The following MYOM1 variants were observed in gnomAD, a reference collection of about 807,000 sequenced individuals.
The protein encoded by MYOM1 is myomesin 1.
In MYOM1, 164 loss-of-function variants were observed where a neutral mutation model predicts 205.3. The observed-to-expected ratio is 0.80, with a 90% CI of 0.70 to 0.91. The LOEUF (loss-of-function observed/expected upper bound fraction) is 0.91. MYOM1 is among the 40% of genes least tolerant of loss of function. The pLI is 0.00. For missense variants in MYOM1, 2,011 were observed against 2,127.3 expected, an observed-to-expected ratio of 0.95 and a Z score of 1.08; for synonymous variants, 772 against 789.4, an observed-to-expected ratio of 0.98 and a Z score of 0.37.
intron 13 of MYOM1, among the ~76,000 whole-genome samples, chr18:3,148,844 C>CAAAAA (rs71159049): frequency 1.3e-3 from 60 of 47,942 alleles, no homozygotes; most frequent in Non-Finnish European, 1.5e-3. Flanking sequence ...AGACTCCATC[C>CAAAAA]AAAAAAAAAA....
chr18:3,149,691 A>T (rs367935601), intron 12 of MYOM1, among the ~76,000 whole-genome samples: 6 of 152,312 alleles, frequency 3.9e-5, no homozygotes, highest in African/African-American at 7.2e-5. Flanking sequence ...TTTGAAAAAT[A>T]TTATCTCCAA....
intron 29 of MYOM1, among the ~76,000 whole-genome samples, chr18:3,086,482 G>A (rs377053538): frequency 6.4e-5 from 9 of 141,186 alleles, no homozygotes; most frequent in South Asian, 4.3e-4. Flanking sequence ...CAAAACCAAA[G>A]GGAGAAAAAT....
At position 3,191,500 on chromosome 18, in the gene MYOM1, C is replaced by T. The variant is rs571755450; in HGVS notation, c.431+2318G>A. On this transcript the variant is annotated intron_variant, in intron 3 of 37. Transcript: ENST00000356443. ...AAGATGGTTTATATAAAGCACCTTG[C>T]GTGAGTCCCAGCAAATAATAATAGA... 2.1e-3 allele frequency among the ~76,000 whole-genome samples: 322 copies of T among 152,234 alleles called. 2 individuals carry two copies. The highest frequency in any genetic ancestry group is 3.3e-3 in the Non-Finnish European group (222 of 68,018).
intron 9 of MYOM1, among the ~76,000 whole-genome samples, chr18:3,165,896 C>A (rs1224414868): frequency 6.6e-6 from 1 of 152,186 alleles, no homozygotes; most frequent in Non-Finnish European, 1.5e-5. Flanking sequence ...TCTTTCATCA[C>A]CTTGGAATGC....
intron 19 of MYOM1, among the ~76,000 whole-genome samples, chr18:3,120,478 A>C (rs1209762051): frequency 6.6e-6 from 1 of 152,160 alleles, no homozygotes. Flanking sequence ...TCAGCCCTAC[A>C]GCTGCAAGGA....
chr18:3,152,559 T>C lies in MYOM1; in HGVS notation c.1644-666A>G, dbSNP rs1340292226. 6.6e-6 allele frequency among the ~76,000 whole-genome samples: 1 copy of C among 152,208 alleles called. No individual in the cohort carries two copies. Among genetic ancestry groups the C allele is most frequent in the Non-Finnish European group, 1.5e-5 (1 of 68,038 alleles). ...GAGTGCTTTTACAGCAGTTGGTACC[T>C]GGGGATGGAGTGGGTCATTCCCAGC... On this transcript the variant is annotated intron_variant, in intron 11 of 37. Transcript: ENST00000356443. This position sits in a 1 kb window ranked among gnomAD's most constrained non-coding sequence, Gnocchi z 4.3.
At chr18:3,125,236 A>G (rs111541547) in intron 19 of MYOM1, among the ~76,000 whole-genome samples, 3 of 152,230 alleles carry the variant, frequency 2.0e-5, no homozygotes, top group Non-Finnish European at 4.4e-5. Flanking sequence ...CATTTAGGTG[A>G]TCACCCAGAG....
At chr18:3,174,597 C>A (rs2080609141) in intron 6 of MYOM1, among the ~76,000 whole-genome samples, 1 of 152,068 alleles carries the variant, frequency 6.6e-6, no homozygotes, top group Non-Finnish European at 1.5e-5. Context: ...CAGGCGTGTA[C>A]CTTTGTAGCA....
intron 2 of MYOM1, among the ~76,000 whole-genome samples, chr18:3,213,511 GA>G (rs1256279692): frequency 2.0e-5 from 3 of 152,138 alleles, no homozygotes; most frequent in Non-Finnish European, 2.9e-5. Flanking sequence ...TGAATATGAA[GA>G]AAATAAAACT....
intron 8 of MYOM1, 29 bp from the exon 9 acceptor site, chr18:3,169,010 A>AT (rs781112178): frequency 2.5e-6 from 4 of 1,580,494 alleles, no homozygotes; most frequent in African/African-American, 1.4e-5. Context: ...AATATCAGTA[A>AT]TTTTTTTCTT....
intron 9 of MYOM1, among the ~76,000 whole-genome samples, chr18:3,166,816 A>C (rs540934276): frequency 6.6e-6 from 1 of 152,238 alleles, no homozygotes; most frequent in Non-Finnish European, 1.5e-5. Context: ...AATTAAACAG[A>C]AAAATTATAT....
chr18:3,151,589 G>A (rs2080222889), intron 12 of MYOM1, 105 bp downstream of exon 12: 2 of 942,632 alleles, frequency 2.1e-6, no homozygotes, highest in African/African-American at 3.3e-5. Flanking sequence ...TCTTGTTCTT[G>A]TCTCCCTCTA....
intron 18 of MYOM1, among the ~76,000 whole-genome samples, chr18:3,128,932 T>C (rs1212211314): frequency 6.6e-6 from 1 of 152,182 alleles, no homozygotes; most frequent in Non-Finnish European, 1.5e-5. Flanking sequence ...CGAATTCTCT[T>C]AGCAAAATCA....
chr18:3,085,032 T>C lies in MYOM1; in HGVS notation c.4339+13A>G, dbSNP rs769441897. 1.4e-5 allele frequency: 23 copies of C among 1,589,338 alleles called. No homozygotes were observed. The highest frequency in any genetic ancestry group is 1.9e-5 in the Non-Finnish European group (22 of 1,164,866). ...AAACACACAAGACAGACCCCAGCAG[T>C]TGGTGGACTGACCTTCATCCACAAG... On this transcript the variant is annotated intron_variant, in intron 31 of 37. Coordinates refer to ENST00000356443, the MANE Select transcript of MYOM1 (RefSeq NM_003803.4).
intron 2 of MYOM1, among the ~76,000 whole-genome samples, chr18:3,201,080 G>A (rs1376244680): frequency 1.3e-5 from 2 of 152,142 alleles, no homozygotes; most frequent in African/African-American, 4.8e-5. Context: ...ACATATTTAA[G>A]TGCTGAAAAA....
chr18:3,150,927 A>AC (rs1233751007), intron 12 of MYOM1, among the ~76,000 whole-genome samples: 3 of 127,600 alleles, frequency 2.4e-5, no homozygotes, highest in African/African-American at 9.3e-5. Context: ...CGATCCTCCC[A>AC]CCTCAGCCTC....
chr18:3,153,831 C>T (rs937222042), intron 11 of MYOM1, among the ~76,000 whole-genome samples: 1 of 152,100 alleles, frequency 6.6e-6, no homozygotes, highest in Non-Finnish European at 1.5e-5. Flanking sequence ...TTTCATTACT[C>T]AAAAATGAAA....
chr18:3,133,907 G>C (rs1379671926), intron 16 of MYOM1, among the ~76,000 whole-genome samples: 1 of 152,180 alleles, frequency 6.6e-6, no homozygotes, highest in Non-Finnish European at 1.5e-5. Flanking sequence ...CTGTTGCCCA[G>C]GCCAGAGTAC....
At chr18:3,146,997 TA>T (rs1302368375) in intron 13 of MYOM1, among the ~76,000 whole-genome samples, 3 of 147,468 alleles carry the variant, frequency 2.0e-5, no homozygotes, top group Non-Finnish European at 3.0e-5. Flanking sequence ...CAAATTAAAA[TA>T]AAAAACAATA....
Sources: allele counts gnomAD v4.1 joint callset (sites outside exome capture counted in the v4.1 genomes callset), GRCh38; gene constraint gnomAD v4.1.1; non-coding constraint Gnocchi (gnomAD v3.1); transcripts MANE v1.5; gene names NCBI Gene and HGNC (gene_info 2026-07-23, HGNC 2026-07-21).